Variants in INSL6 observed in about 807,000 individuals in gnomAD.
The protein encoded by INSL6 is insulin-like peptide INSL6.
INSL6 carries 16 observed loss-of-function variants against 9.4 expected under a neutral mutation model. The observed-to-expected ratio is 1.70, with a 90% CI of 1.15 to 2.59. The LOEUF is 2.59. INSL6 is among the 30% of genes most tolerant of loss of function. The probability of loss-of-function intolerance (pLI) is 0.00; values close to 1 mark genes in which losing one functional copy is unlikely to be tolerated. For synonymous variants in INSL6, 154 were observed against 96.9 expected (o/e 1.59, Z -3.46); for missense variants, 391 against 257.3 (o/e 1.52, Z -3.56).
At chr9:5,018,759 A>C in the INSL6 span, among the ~76,000 whole-genome samples, 4 of 152,168 alleles carry the variant, frequency 2.6e-5, no homozygotes, top group East Asian at 1.9e-4. Flanking sequence ...TCCTTTGCTT[A>C]ATGAAGGATA....
chr9:5,115,198 GAACTT>G, the INSL6 span, among the ~76,000 whole-genome samples: 1 of 151,962 alleles, frequency 6.6e-6, no homozygotes, highest in Admixed American at 6.6e-5. Flanking sequence ...AATCTACAAA[GAACTT>G]AAACAAGTTC....
downstream of INSL6, among the ~76,000 whole-genome samples, chr9:5,120,850 G>T (rs1181563726): frequency 6.6e-6 from 1 of 152,172 alleles, no homozygotes; most frequent in Non-Finnish European, 1.5e-5. Flanking sequence ...TAAATAGATT[G>T]TGATGCTATT....
chr9:5,177,041 G>A (rs376871264), intron 1 of INSL6, among the ~76,000 whole-genome samples: 1 of 152,086 alleles, frequency 6.6e-6, no homozygotes, highest in African/African-American at 2.4e-5. Flanking sequence ...ACTTTGATTA[G>A]GATGACTTTA....
chr9:5,038,058 C>A, the INSL6 span, among the ~76,000 whole-genome samples: 2 of 152,260 alleles, frequency 1.3e-5, no homozygotes, highest in African/African-American at 2.4e-5. Flanking sequence ...ATTCATTATT[C>A]TTATAACTAG....
At chr9:4,995,478 G>A in the INSL6 span, among the ~76,000 whole-genome samples, 1 of 152,148 alleles carries the variant, frequency 6.6e-6, no homozygotes, top group Non-Finnish European at 1.5e-5. Context: ...TCCCCTAGAT[G>A]GTTGTCCAGT....
intron 1 of INSL6, among the ~76,000 whole-genome samples, chr9:5,172,960 T>G (rs978233659): frequency 7.3e-5 from 11 of 150,018 alleles, no homozygotes; most frequent in African/African-American, 2.4e-5. Flanking sequence ...GCAAAGGACA[T>G]GAAAAGACAT....
the INSL6 span, among the ~76,000 whole-genome samples, chr9:5,082,148 A>G: frequency 2.0e-5 from 3 of 152,342 alleles, no homozygotes; most frequent in African/African-American, 7.2e-5. Flanking sequence ...AAGTGGGCCC[A>G]GGGGACCAGT....
the INSL6 span, among the ~76,000 whole-genome samples, chr9:5,043,181 A>G: frequency 6.6e-6 from 1 of 151,890 alleles, no homozygotes; most frequent in Admixed American, 6.6e-5. Context: ...TGGCTGGCGG[A>G]CTCCCAGCGG....
chr9:5,000,518 G>C, the INSL6 span, among the ~76,000 whole-genome samples: 1 of 152,182 alleles, frequency 6.6e-6, no homozygotes, highest in Non-Finnish European at 1.5e-5. Flanking sequence ...TATAGTCATT[G>C]TGTAGATGGT....
At chr9:5,153,424 G>A (rs1824752693) in intron 2 of INSL6, among the ~76,000 whole-genome samples, 2 of 152,216 alleles carry the variant, frequency 1.3e-5, no homozygotes, top group Non-Finnish European at 2.9e-5. Flanking sequence ...AAAGCCACTG[G>A]GAAGTTTGAA....
the INSL6 span, among the ~76,000 whole-genome samples, chr9:5,013,158 G>C: frequency 6.6e-6 from 1 of 151,990 alleles, no homozygotes; most frequent in African/African-American, 2.4e-5. Flanking sequence ...TTTCTTTCTT[G>C]CTCAATAAGA....
the INSL6 span, among the ~76,000 whole-genome samples, chr9:5,058,064 A>C: frequency 6.5e-3 from 993 of 152,278 alleles, 7 homozygotes; most frequent in African/African-American, 0.022. Flanking sequence ...TGTCATGTAT[A>C]TACCACATTT....
the INSL6 span, chr9:5,073,702 T>C: frequency 6.2e-7 from 1 of 1,610,162 alleles, no homozygotes; most frequent in Non-Finnish European, 8.5e-7. Context: ...CCTTAGTCTT[T>C]CTTTGAAGCA....
the INSL6 span, chr9:5,112,157 C>A: frequency 3.8e-5 from 11 of 289,038 alleles, no homozygotes; most frequent in Non-Finnish European, 7.7e-5. Flanking sequence ...AACGTGCACA[C>A]GCTGCTACCC....
At chr9:5,093,133 A>G in the INSL6 span, among the ~76,000 whole-genome samples, 72 of 152,318 alleles carry the variant, frequency 4.7e-4, no homozygotes, top group African/African-American at 1.7e-3. Context: ...ATAAGCTTAC[A>G]TAAGACTGGA....
chr9:5,080,529 A>G, the INSL6 span: 1 of 1,579,106 alleles, frequency 6.3e-7, no homozygotes, highest in Non-Finnish European at 8.6e-7. Context: ...TTCTTTAATT[A>G]TAGAAGCTAC....
the INSL6 span, chr9:5,066,616 C>A: frequency 2.2e-6 from 2 of 894,850 alleles, no homozygotes; most frequent in African/African-American, 1.6e-5. Context: ...TTTTAGATGA[C>A]ACTTGGTCAT....
intron 2 of INSL6, among the ~76,000 whole-genome samples, chr9:5,150,758 G>C (rs751691227): frequency 4.0e-5 from 6 of 151,888 alleles, no homozygotes; most frequent in Admixed American, 6.6e-5. Context: ...AAAGATACCT[G>C]TATTTGCATG....
the INSL6 span, among the ~76,000 whole-genome samples, chr9:5,019,369 G>C: frequency 2.0e-5 from 3 of 151,708 alleles, no homozygotes; most frequent in Admixed American, 1.3e-4. Context: ...TCAGTTTCAG[G>C]GTTTCTTGTT....
Sources: gnomAD v4.1 joint callset for allele counts (sites outside exome capture counted in the v4.1 genomes callset) on GRCh38, gnomAD v4.1.1 for gene constraint, MANE v1.5 for transcripts, NCBI Gene and HGNC (gene_info 2026-07-23, HGNC 2026-07-21) for gene names.